The following FAM9C variants were observed in gnomAD, a reference collection of about 807,000 sequenced individuals.
The protein encoded by FAM9C is protein FAM9C.
In FAM9C, 15 loss-of-function variants were observed where a neutral mutation model predicts 14.8. The ratio of observed to expected loss-of-function variants is 1.02; its 90% CI spans 0.68 to 1.56. The LOEUF (loss-of-function observed/expected upper bound fraction) is 1.56, where lower values mean the gene tolerates loss of function less well. Ranked by LOEUF, FAM9C falls within the 40% of genes most tolerant of loss-of-function variation. The probability of loss-of-function intolerance (pLI) is 0.00; values close to 1 mark genes in which losing one functional copy is unlikely to be tolerated. For missense variants in FAM9C, 116 were observed against 118.0 expected, an observed-to-expected ratio of 0.98 and a Z score of 0.08; for synonymous variants, 45 against 37.5, an observed-to-expected ratio of 1.20 and a Z score of -0.74.
chrX:13,035,662 C>A lies in FAM9C; in HGVS notation c.*382G>T, dbSNP rs1402949691. On this transcript the variant is annotated 3_prime_UTR_variant, in exon 8 of 8. Transcript: ENST00000380625. ...TTAGAGAAAAATGTACTTTTCCATG[C>A]CCGTGCTTTCCACATTTTGGAACTG... 3 of 112,174 alleles carry A rather than the reference C, an allele frequency of 2.7e-5. No homozygotes were observed. Among genetic ancestry groups the A allele is most frequent in the African/African-American group, 9.7e-5 (3 of 30,876 alleles). 9.2% of individuals were successfully genotyped at this position (112,174 alleles called of 1,213,427 possible). A position where few individuals can be genotyped will look rare whatever the true frequency, so the allele number is the denominator to read the frequency against.
chrX:13,038,274 C>T (rs1459171970), intron 7 of FAM9C, 142 bp downstream of exon 7: 5 of 381,029 alleles, frequency 1.3e-5, no homozygotes, highest in Non-Finnish European at 1.7e-5. Context: ...TGGAACAACA[C>T]ATTCAAAGTG....
rs140435174 is a variant in FAM9C, at chrX:13,043,178, A to C, written c.132T>G (p.Thr44=). ...PVTETKEGDV[T]DEHGERGSFA... Reference sequence around the variant, plus strand: ...AAGATCCTCTTTCCCCATGCTCATCAGTTACATCTCCCTCCTTTGTCTCTG... The same window carrying C: ...AAGATCCTCTTTCCCCATGCTCATCCGTTACATCTCCCTCCTTTGTCTCTG... Residue 44 remains threonine (T), a synonymous_variant, in exon 3 of 8, where the codon ACT becomes ACG. Coordinates refer to ENST00000380625, the MANE Select transcript of FAM9C (RefSeq NM_174901.6). 1.0e-4 allele frequency: 123 copies of C among 1,209,860 alleles called. No individual in the cohort carries two copies. In the African/African-American group the frequency reaches 2.1e-3, roughly 20 times the overall value.
intron 7 of FAM9C, 162 bp from the exon 8 acceptor site, chrX:13,036,180 T>A (rs1377623029): frequency 8.9e-6 from 1 of 112,323 alleles, no homozygotes; most frequent in Non-Finnish European, 1.9e-5. Flanking sequence ...AAGTTGACTC[T>A]CTTCACCAAA....
rs1450244521 is a variant in FAM9C at position 13,040,953 on chromosome X, G to C, written c.215-81C>G. ...ATATATTAAAATCAATATGGGACTTGATGGTTCAGCAATATCAGAAGGACA... is the reference window on the plus strand; with the variant it reads ...ATATATTAAAATCAATATGGGACTTCATGGTTCAGCAATATCAGAAGGACA... On this transcript the variant is annotated intron_variant, in intron 4 of 7. Transcript: ENST00000380625. The C allele has an allele frequency of 1.4e-4, 69 of 502,161 alleles. No individual in the cohort carries two copies. The East Asian group carries it at 2.8e-3, about 20-fold the overall frequency. The allele number at this position is 502,161 out of a possible 1,213,427, so 41.4% of individuals were successfully genotyped here.
intron 6 of FAM9C, among the ~76,000 whole-genome samples, chrX:13,038,958 TCTC>T (rs2043502339): frequency 9.0e-6 from 1 of 111,535 alleles, no homozygotes; most frequent in African/African-American, 3.3e-5. Context: ...AGTGTTCTCC[TCTC>T]CTCTACGTGG....
chrX:13,038,605 A>T, intron 6 of FAM9C, 102 bp from the exon 7 acceptor site: 2 of 715,830 alleles, frequency 2.8e-6, no homozygotes, highest in Admixed American at 4.2e-5. Flanking sequence ...ACTTCTGAAC[A>T]CTTTCTTTTA....
rs5979797 is a variant in FAM9C at position 13,039,990 on chromosome X, G to A, written c.330-74C>T. On this transcript the variant is annotated intron_variant, in intron 5 of 7. Coordinates refer to ENST00000380625, the MANE Select transcript of FAM9C (RefSeq NM_174901.6). Reference sequence around the variant, plus strand: ...AATTAATCCTATTCAAACCAAAACTGACTTGACATAGTTTGTACTATAAAG... The same window carrying A: ...AATTAATCCTATTCAAACCAAAACTAACTTGACATAGTTTGTACTATAAAG... 0.012 allele frequency: 10,266 copies of A among 875,046 alleles called. 705 individuals are homozygous for A. The African/African-American group carries it at 0.19, about 16-fold the overall frequency. The allele number at this position is 875,046 out of a possible 1,213,427, so 72.1% of individuals were successfully genotyped here.
At chrX:13,042,979 A>C (rs1183864722) in intron 3 of FAM9C, 30 bp from the exon 4 acceptor site, 2 of 1,179,169 alleles carry the variant, frequency 1.7e-6, no homozygotes, top group Non-Finnish European at 2.3e-6. Flanking sequence ...CACAATTTTA[A>C]CATAATGCTA....
In FAM9C at chrX:13,040,870, C is replaced by T. The variant is rs368965856; in HGVS notation, c.217G>A (p.Asp73Asn). 16 of 1,126,163 alleles carry T rather than the reference C, an allele frequency of 1.4e-5. No homozygotes were observed. The highest frequency in any genetic ancestry group is 1.3e-4 in the African/African-American group (7 of 54,796). The allele number at this position is 1,126,163 out of a possible 1,213,427, so 92.8% of individuals were successfully genotyped here. A position where few individuals can be genotyped will look rare whatever the true frequency, so the allele number is the denominator to read the frequency against. ...DTKELEDIAA[D>N]IKEHLAAKRK... ...TTTGCAGCAAGATGCTCTTTAATGT[C>T]AGCTAGATAGTAAATGAATATGCAT... Residue 73 changes from aspartate to asparagine, a missense_variant and splice_region_variant, in exon 5 of 8, where the codon GAC becomes AAC. Physicochemically the swap from Asp to Asn is conservative, Grantham distance 23. Coordinates refer to ENST00000380625, the MANE Select transcript of FAM9C (RefSeq NM_174901.6).
At chrX:13,041,198 A>C (rs181151711) in intron 4 of FAM9C, 30 of 112,855 alleles carry the variant, frequency 2.7e-4, no homozygotes, top group Non-Finnish European at 5.1e-4. Context: ...TTTTTGAGAC[A>C]GAGTCTCGCT....
At chrX:13,044,231 G>A (rs1441261029) in intron 1 of FAM9C, among the ~76,000 whole-genome samples, 2 of 111,506 alleles carry the variant, frequency 1.8e-5, no homozygotes, top group South Asian at 7.5e-4. Context: ...CTGCCCATTC[G>A]CCAGCCTGGA....
At chrX:13,037,843 T>C (rs1353702342) in intron 7 of FAM9C, 3 of 113,425 alleles carry the variant, frequency 2.6e-5, no homozygotes, top group African/African-American at 9.7e-5. Context: ...ATCTGAACCA[T>C]CTCTTATGAT....
In FAM9C at chrX:13,043,148, A is replaced by G; in HGVS notation, c.162T>C (p.Ala54=). The G allele has an allele frequency of 8.3e-7, 1 of 1,209,774 alleles. No individual in the cohort carries two copies. The highest frequency in any genetic ancestry group is 1.1e-6 in the Non-Finnish European group (1 of 894,924). The part of the protein sequence containing the change: ...TDEHGERGSF[A]ETDEHTGVDT... ...TTTACCCCGTGTGTTCATCTGTTTC[A>G]GCAAAAGATCCTCTTTCCCCATGCT... is the stretch of plus-strand genomic sequence containing the variant. Residue 54 remains alanine, a synonymous_variant, in exon 3 of 8, where the codon GCT becomes GCC. Coordinates refer to ENST00000380625, the MANE Select transcript of FAM9C (RefSeq NM_174901.6).
At chrX:13,042,643 C>T in intron 4 of FAM9C, 3 of 383,231 alleles carry the variant, frequency 7.8e-6, no homozygotes, top group African/African-American at 2.5e-5. Flanking sequence ...GTTTCTCCTC[C>T]AATGTCCTCT....
intron 4 of FAM9C, chrX:13,042,323 G>A (rs1263415771): frequency 9.0e-6 from 1 of 111,473 alleles, no homozygotes; most frequent in Non-Finnish European, 1.9e-5. Context: ...AGAAAGTTGT[G>A]ACAATAGCTA....
At chrX:13,044,104 C>T (rs185991550) in intron 1 of FAM9C, among the ~76,000 whole-genome samples, 1,235 of 112,120 alleles carry the variant, frequency 0.011, 7 homozygotes, top group Non-Finnish European at 0.018. Context: ...CCTGGCCCTG[C>T]CCCTGGGTTC....
intron 4 of FAM9C, 198 bp from the exon 5 acceptor site, chrX:13,041,070 G>A: frequency 3.5e-6 from 1 of 283,152 alleles, no homozygotes; most frequent in Non-Finnish European, 6.1e-6. Flanking sequence ...AATTTCAGTT[G>A]GTATAACAGC....
At chrX:13,042,020 C>T (rs747907451) in intron 4 of FAM9C, 4 of 112,474 alleles carry the variant, frequency 3.6e-5, no homozygotes, top group South Asian at 7.3e-4. Flanking sequence ...TATGAATTAT[C>T]GCTATAGAAG....
rs56835940 is a variant in FAM9C, at chrX:13,038,250, A to G, written c.*25+166T>C. ...TTTATGTTATTTTATGTTATTTACT[A>G]CTTATGTTAAATCTGGAACAACACA... On this transcript the variant is annotated intron_variant, in intron 7 of 7. Transcript: ENST00000380625. 3.1e-3 allele frequency: 1,071 copies of G among 341,298 alleles called. 26 individuals carry two copies. The East Asian group carries it at 0.045, about 14-fold the overall frequency. 28.1% of individuals were successfully genotyped at this position (341,298 alleles called of 1,213,427 possible). A position where few individuals can be genotyped will look rare whatever the true frequency, so the allele number is the denominator to read the frequency against.
Sources: allele counts gnomAD v4.1 joint callset (sites outside exome capture counted in the v4.1 genomes callset), GRCh38; gene constraint gnomAD v4.1.1; transcripts MANE v1.5; gene names NCBI Gene and HGNC (gene_info 2026-07-23, HGNC 2026-07-21).